SHTN1: variants seen among roughly 807,000 people sequenced by gnomAD.
The protein encoded by SHTN1 is shootin-1.
SHTN1 carries 42 observed loss-of-function variants against 83.1 expected under a neutral mutation model. The ratio of observed to expected loss-of-function variants is 0.51; its 90% CI spans 0.39 to 0.65. The LOEUF (loss-of-function observed/expected upper bound fraction) is 0.65. Among genes scored for constraint, SHTN1 ranks in the 30% least tolerant of loss-of-function variants. SHTN1 has a pLI of 0.00. For synonymous variants in SHTN1, 224 were observed against 247.7 expected, an observed-to-expected ratio of 0.90 and a Z score of 0.90; for missense variants, 622 against 737.8, an observed-to-expected ratio of 0.84 and a Z score of 1.82.
chr10:116,918,575 T>G (rs1057247586), intron 12 of SHTN1, among the ~76,000 whole-genome samples: 11 of 152,224 alleles, frequency 7.2e-5, no homozygotes, highest in African/African-American at 2.7e-4. Flanking sequence ...AGAAATTTCC[T>G]TAGCTACAAT....
At chr10:116,909,997 C>T (rs1482037248) in intron 14 of SHTN1, among the ~76,000 whole-genome samples, 1 of 152,128 alleles carries the variant, frequency 6.6e-6, no homozygotes, top group Non-Finnish European at 1.5e-5. Context: ...GGACCATGTG[C>T]TTTACAGGGT....
At chr10:117,016,114 C>A (rs1306475994) in intron 2 of SHTN1, among the ~76,000 whole-genome samples, 1 of 152,076 alleles carries the variant, frequency 6.6e-6, no homozygotes, top group Non-Finnish European at 1.5e-5. Context: ...TACAGATTCA[C>A]AAATGTAAAC....
At chr10:117,126,031 G>A (rs183759450) in intron 1 of SHTN1, among the ~76,000 whole-genome samples, 140 of 152,250 alleles carry the variant, frequency 9.2e-4, no homozygotes, top group African/African-American at 3.1e-3. Flanking sequence ...CCCCCATGCC[G>A]CTGCTTCCCT....
intron 1 of SHTN1, among the ~76,000 whole-genome samples, chr10:116,990,171 G>A (rs1354266620): frequency 6.6e-6 from 1 of 151,936 alleles, no homozygotes; most frequent in African/African-American, 2.4e-5. Flanking sequence ...GAGAAAATTA[G>A]TTCTTTGAAT....
chr10:116,917,913 C>T (rs995885923), intron 12 of SHTN1, among the ~76,000 whole-genome samples: 4 of 152,170 alleles, frequency 2.6e-5, no homozygotes, highest in Non-Finnish European at 4.4e-5. Context: ...AGGCGCAATA[C>T]AAGAGCAACG....
intron 2 of SHTN1, among the ~76,000 whole-genome samples, chr10:117,020,499 CA>C (rs375685514): frequency 1.3e-3 from 137 of 109,388 alleles, no homozygotes; most frequent in Middle Eastern, 5.3e-3. Flanking sequence ...GACTCCGTCT[CA>C]AAAAAAAAAA....
intron 2 of SHTN1, among the ~76,000 whole-genome samples, chr10:117,012,232 C>T (rs560877510): frequency 6.6e-6 from 1 of 151,082 alleles, no homozygotes; most frequent in Admixed American, 6.6e-5. Flanking sequence ...AATGCAATCC[C>T]AATCCAAATC....
chr10:116,963,195 C>T (rs1398692209), intron 3 of SHTN1, among the ~76,000 whole-genome samples: 12 of 149,076 alleles, frequency 8.0e-5, no homozygotes, highest in African/African-American at 2.5e-4. Flanking sequence ...CCTCAGCCTC[C>T]CGAGTAGCTG....
intron 1 of SHTN1, among the ~76,000 whole-genome samples, chr10:117,083,412 G>A (rs1179617573): frequency 2.0e-5 from 3 of 150,442 alleles, no homozygotes; most frequent in Non-Finnish European, 4.5e-5. Context: ...TCCGCTGTTA[G>A]TCTGATGGGC....
intron 3 of SHTN1, among the ~76,000 whole-genome samples, chr10:116,965,444 G>A (rs1331182160): frequency 6.6e-6 from 1 of 152,198 alleles, no homozygotes; most frequent in East Asian, 1.9e-4. Flanking sequence ...TTGAATCCAG[G>A]AGGCGGAGGT....
chr10:117,125,745 A>G (rs1297877022), intron 1 of SHTN1, among the ~76,000 whole-genome samples: 1 of 152,124 alleles, frequency 6.6e-6, no homozygotes, highest in African/African-American at 2.4e-5. Context: ...AGAATTCTAC[A>G]GGCTGTCTGC....
At chr10:116,918,786 T>G (rs1288050375) in intron 12 of SHTN1, among the ~76,000 whole-genome samples, 1 of 152,182 alleles carries the variant, frequency 6.6e-6, no homozygotes, top group Non-Finnish European at 1.5e-5. Context: ...TTCTACAGAT[T>G]AGCAAATCAA....
chr10:117,043,723 T>C (rs1852622229), intron 2 of SHTN1, among the ~76,000 whole-genome samples: 1 of 152,008 alleles, frequency 6.6e-6, no homozygotes, highest in Non-Finnish European at 1.5e-5. Flanking sequence ...ATGCCTGTAG[T>C]CCCAGCTATT....
intron 2 of SHTN1, among the ~76,000 whole-genome samples, chr10:116,969,649 T>TTTAATTTAAAAAGG (rs1850533673): frequency 6.6e-6 from 1 of 152,134 alleles, no homozygotes; most frequent in Non-Finnish European, 1.5e-5. Flanking sequence ...TGAAAAGACT[T>TTTAATTTAAAAAGG]TGGGAGGCAA....
intron 1 of SHTN1, among the ~76,000 whole-genome samples, chr10:117,086,680 T>C (rs894817925): frequency 3.3e-5 from 5 of 152,278 alleles, no homozygotes; most frequent in Non-Finnish European, 7.3e-5. Flanking sequence ...GCAGACATTA[T>C]GGAAAAGGTC....
chr10:116,969,533 A>C (rs1564905509), intron 2 of SHTN1, among the ~76,000 whole-genome samples: 1 of 152,228 alleles, frequency 6.6e-6, no homozygotes, highest in Non-Finnish European at 1.5e-5. Flanking sequence ...AGAATTCGGA[A>C]TAGAGGAAGG....
At chr10:117,083,770 CTTCATTTCA>C (rs770021798) in intron 1 of SHTN1, among the ~76,000 whole-genome samples, 4 of 152,202 alleles carry the variant, frequency 2.6e-5, no homozygotes, top group African/African-American at 7.2e-5. Flanking sequence ...TTCCTTCTCG[CTTCATTTCA>C]TTCATTTCAT....
intron 2 of SHTN1, among the ~76,000 whole-genome samples, chr10:116,978,162 C>T (rs1339775470): frequency 6.6e-6 from 1 of 152,146 alleles, no homozygotes; most frequent in African/African-American, 2.4e-5. Flanking sequence ...AACTGGAGTA[C>T]TTACCATTAA....
At chr10:116,932,620 A>C (rs1849012809) in intron 9 of SHTN1, among the ~76,000 whole-genome samples, 1 of 152,188 alleles carries the variant, frequency 6.6e-6, no homozygotes, top group Non-Finnish European at 1.5e-5. Context: ...AGTATGTTTA[A>C]GGTAGGCTAG....
Sources: allele counts gnomAD v4.1 joint callset (sites outside exome capture counted in the v4.1 genomes callset), GRCh38; gene constraint gnomAD v4.1.1; transcripts MANE v1.5; gene names NCBI Gene and HGNC (gene_info 2026-07-23, HGNC 2026-07-21).